The following EIF2B3 variants were observed in gnomAD, a reference collection of about 807,000 sequenced individuals.
EIF2B3 encodes eukaryotic translation initiation factor 2B subunit gamma.
Under a neutral mutation model 54.1 loss-of-function variants are expected in EIF2B3, and 20 were observed. The ratio of observed to expected loss-of-function variants is 0.37; its 90% confidence interval spans 0.26 to 0.54. The LOEUF (loss-of-function observed/expected upper bound fraction) is 0.54, where lower values mean the gene tolerates loss of function less well. Ranked by LOEUF, EIF2B3 falls within the 20% of genes least tolerant of loss-of-function variation. The probability of loss-of-function intolerance (pLI) is 0.86; values close to 1 mark genes in which losing one functional copy is unlikely to be tolerated. For missense variants in EIF2B3, 448 were observed against 547.8 expected (o/e 0.82, Z 1.82); for synonymous variants, 153 against 188.1 (o/e 0.81, Z 1.52).
intron 1 of EIF2B3, among the ~76,000 whole-genome samples, chr1:44,986,264 C>A (rs1427579801): frequency 7.2e-5 from 11 of 151,902 alleles, no homozygotes; most frequent in Admixed American, 6.6e-4. Context: ...CTCAGACTCT[C>A]GAGTAGCTGA....
intron 10 of EIF2B3, among the ~76,000 whole-genome samples, chr1:44,864,813 T>C (rs999793769): frequency 1.3e-5 from 2 of 152,206 alleles, no homozygotes; most frequent in African/African-American, 4.8e-5. Context: ...TTTCTTTCCT[T>C]GTAGGGATGA....
chr1:44,901,407 C>T (rs1342539523), intron 5 of EIF2B3, among the ~76,000 whole-genome samples: 3 of 151,884 alleles, frequency 2.0e-5, no homozygotes, highest in Admixed American at 2.0e-4. Context: ...TGAGCCACTG[C>T]GCCCAGTCCC....
chr1:44,865,363 T>C (rs765982769), intron 10 of EIF2B3, among the ~76,000 whole-genome samples: 11 of 152,184 alleles, frequency 7.2e-5, no homozygotes, highest in Non-Finnish European at 1.0e-4. Flanking sequence ...TCCCATTCCT[T>C]CTTCTCTTTA....
chr1:44,904,955 C>A (rs1419271204), intron 5 of EIF2B3, among the ~76,000 whole-genome samples: 1 of 152,172 alleles, frequency 6.6e-6, no homozygotes, highest in African/African-American at 2.4e-5. Context: ...CAAGTTTTCT[C>A]AGAACTAGGG....
intron 4 of EIF2B3, among the ~76,000 whole-genome samples, chr1:44,936,350 C>A (rs1000364320): frequency 6.6e-6 from 1 of 150,524 alleles, no homozygotes; most frequent in Non-Finnish European, 1.5e-5. Context: ...GAGGCCAAGG[C>A]GGGTGGATCA....
intron 1 of EIF2B3, among the ~76,000 whole-genome samples, chr1:44,982,224 T>C (rs924938926): frequency 3.3e-5 from 5 of 152,132 alleles, no homozygotes; most frequent in African/African-American, 1.2e-4. Flanking sequence ...TAAACAAACC[T>C]ATTTGACTTT....
chr1:44,862,689 G>A (rs1362459349), intron 10 of EIF2B3, among the ~76,000 whole-genome samples: 7 of 152,110 alleles, frequency 4.6e-5, no homozygotes, highest in African/African-American at 7.2e-5. Context: ...GCAGTGGCGC[G>A]ATCTCGGCTC....
At chr1:44,939,856 AAATT>A (rs995852395) in intron 4 of EIF2B3, among the ~76,000 whole-genome samples, 1 of 152,162 alleles carries the variant, frequency 6.6e-6, no homozygotes, top group African/African-American at 2.4e-5. Flanking sequence ...GGAAACAAAA[AAATT>A]AATTATGAAA....
chr1:44,874,303 C>T (rs1223219831), intron 10 of EIF2B3, among the ~76,000 whole-genome samples: 1 of 152,170 alleles, frequency 6.6e-6, no homozygotes, highest in Non-Finnish European at 1.5e-5. Context: ...TTATCAGTTG[C>T]ATCTTGCTGA....
intron 10 of EIF2B3, among the ~76,000 whole-genome samples, chr1:44,862,625 TTTA>T (rs751325339): frequency 2.0e-5 from 3 of 152,146 alleles, no homozygotes; most frequent in African/African-American, 4.8e-5. Flanking sequence ...TTTACACTCA[TTTA>T]TTATTATTAT....
intron 5 of EIF2B3, among the ~76,000 whole-genome samples, chr1:44,902,489 C>T: frequency 6.6e-6 from 1 of 151,566 alleles, no homozygotes; most frequent in East Asian, 1.9e-4. Context: ...AAGCAAGACC[C>T]TGTCTCATAA....
chr1:44,959,457 C>T (rs1322802047), intron 3 of EIF2B3: 8 of 393,132 alleles, frequency 2.0e-5, no homozygotes, highest in Non-Finnish European at 3.4e-5. Context: ...CTGGGAGGAT[C>T]ACTTGAGCCC....
At chr1:44,942,406 TA>T (rs1557696985) in intron 3 of EIF2B3, among the ~76,000 whole-genome samples, 236 of 22,832 alleles carry the variant, frequency 0.01, 1 homozygote, top group Non-Finnish European at 0.016. Flanking sequence ...TATATATATA[TA>T]TATATATATA....
chr1:44,953,966 C>G (rs7529221), intron 3 of EIF2B3, among the ~76,000 whole-genome samples: 27,072 of 151,858 alleles, frequency 0.18, 2,522 homozygotes, highest in African/African-American at 0.2. Flanking sequence ...GATTTAGAAA[C>G]GCTAAAAAAT....
At chr1:44,910,442 T>G (rs1198200910) in intron 5 of EIF2B3, among the ~76,000 whole-genome samples, 1 of 152,074 alleles carries the variant, frequency 6.6e-6, no homozygotes, top group Non-Finnish European at 1.5e-5. Flanking sequence ...CAATCAGACA[T>G]GTAGGAAAGG....
At chr1:44,953,856 G>A (rs1466203674) in intron 3 of EIF2B3, among the ~76,000 whole-genome samples, 1 of 152,144 alleles carries the variant, frequency 6.6e-6, no homozygotes, top group Non-Finnish European at 1.5e-5. Context: ...TCAATAAATG[G>A]AAATGAGCAT....
At chr1:44,862,317 A>AT (rs1654634123) in intron 10 of EIF2B3, among the ~76,000 whole-genome samples, 1 of 152,174 alleles carries the variant, frequency 6.6e-6, no homozygotes, top group African/African-American at 2.4e-5. Flanking sequence ...GTAGGTTCAA[A>AT]TTTCAAGCAC....
chr1:44,884,998 G>A (rs553022977), intron 6 of EIF2B3, among the ~76,000 whole-genome samples: 79 of 152,322 alleles, frequency 5.2e-4, no homozygotes, highest in African/African-American at 1.8e-3. Flanking sequence ...TACTCTTCCT[G>A]CTTCCTAGTT....
rs539058254 is a variant in EIF2B3, at chr1:44,945,326, G to A, written c.295-3661C>T. Among the ~76,000 whole-genome samples, 4 of 151,800 alleles carry A rather than the reference G, an allele frequency of 2.6e-5. No individual in the cohort carries two copies. In the South Asian group the frequency reaches 6.2e-4, roughly 24 times the overall value. ...TCCCAGCACTTTGGGAGGCCGAGGCGGGTGGATCACAACGTCAGGAGATCG... is the reference window on the plus strand; with the variant it reads ...TCCCAGCACTTTGGGAGGCCGAGGCAGGTGGATCACAACGTCAGGAGATCG... On this transcript the variant is annotated intron_variant, in intron 3 of 11. Transcript: ENST00000360403.
Sources: gnomAD v4.1 joint callset for allele counts (sites outside exome capture counted in the v4.1 genomes callset) on GRCh38, gnomAD v4.1.1 for gene constraint, MANE v1.5 for transcripts, NCBI Gene and HGNC (gene_info 2026-07-23, HGNC 2026-07-21) for gene names.